Variants in LINGO3 observed in about 807,000 individuals in gnomAD.
The protein encoded by LINGO3 is leucine-rich repeat and immunoglobulin-like domain-containing nogo receptor-interacting protein 3.
For synonymous variants in LINGO3, 427 were observed against 444.2 expected (o/e 0.96, Z 0.49); for missense variants, 750 against 867.7 (o/e 0.86, Z 1.70).
At chr19:2,307,086 GTCCCTGAAGGC>G in the LINGO3 span, among the ~76,000 whole-genome samples, 23 of 152,052 alleles carry the variant, frequency 1.5e-4, no homozygotes, top group African/African-American at 5.6e-4. Context: ...CAGCTCTGTT[GTCCCTGAAGGC>G]TCCCCCCAGC....
exon 1 of LINGO3, chr19:2,291,290 C>T: frequency 6.2e-7 from 1 of 1,612,670 alleles, no homozygotes; most frequent in Admixed American, 1.7e-5. Context: ...GAGACGAATA[C>T]CAGGTCGTTG....
chr19:2,294,898 G>C (rs998614242), upstream of LINGO3, among the ~76,000 whole-genome samples: 7 of 152,040 alleles, frequency 4.6e-5, no homozygotes, highest in Non-Finnish European at 8.8e-5. The surrounding 1 kb of genome is among the most constrained non-coding windows in gnomAD (Gnocchi z 4.3). Context: ...CGCCTCCCCC[G>C]CCAGCCGGCC....
chr19:2,289,181 C>T (rs1273450551), downstream of LINGO3, among the ~76,000 whole-genome samples: 7 of 146,050 alleles, frequency 4.8e-5, no homozygotes, highest in East Asian at 2.0e-4. Context: ...CTCTGTGTTC[C>T]GGGTGTGAGC....
chr19:2,292,399 CAAA>C (rs1156254881), upstream of LINGO3, among the ~76,000 whole-genome samples: 9,447 of 42,410 alleles, frequency 0.22, 481 homozygotes, highest in East Asian at 0.37. Flanking sequence ...AACCCTGTCT[CAAA>C]AAAAAAAAAA....
At chr19:2,303,130 C>T in the LINGO3 span, among the ~76,000 whole-genome samples, 1 of 152,152 alleles carries the variant, frequency 6.6e-6, no homozygotes, top group African/African-American at 2.4e-5. Flanking sequence ...AGCAGTCACT[C>T]CCAGCCCCTC....
chr19:2,299,549 G>C, the LINGO3 span, among the ~76,000 whole-genome samples: 2 of 142,586 alleles, frequency 1.4e-5, no homozygotes, highest in African/African-American at 2.6e-5. Flanking sequence ...TCAGCCTGCC[G>C]AGTAGCTGGG....
chr19:2,289,713 G>C (rs935988696), downstream of LINGO3: 1 of 353,114 alleles, frequency 2.8e-6, no homozygotes, highest in Non-Finnish European at 5.2e-6. Flanking sequence ...TGGTAGACGG[G>C]AGCCCATCCC....
chr19:2,295,823 T>G (rs2025567082), upstream of LINGO3, among the ~76,000 whole-genome samples: 1 of 152,066 alleles, frequency 6.6e-6, no homozygotes, highest in South Asian at 2.1e-4. Context: ...ATGCCAAAAC[T>G]GGGCATTCAC....
Position 2,290,397 on chromosome 19 carries a change from G to A in LINGO3, c.1380C>T (p.Leu460=). The change falls in exon 1 of 1, where the codon CTC becomes CTT. Residue 460 remains leucine (L), a synonymous_variant. Transcript: ENST00000585527. The surrounding 1 kb of genome is among the most constrained non-coding windows in gnomAD (Gnocchi z 6.0). Reference sequence around the variant, plus strand: ...CCTGGATCTCCAGCGTCCCCCCGGGGAGCACGCGCGCCCGGCCCGCGCTGG... The same window carrying A: ...CCTGGATCTCCAGCGTCCCCCCGGGAAGCACGCGCGCCCGGCCCGCGCTGG... 6.9e-7 allele frequency: 1 copy of A among 1,447,494 alleles called. No individual in the cohort carries two copies. The highest frequency in any genetic ancestry group is 9.0e-7 in the Non-Finnish European group (1 of 1,107,754). The allele number at this position is 1,447,494 out of a possible 1,614,324, so 89.7% of individuals were successfully genotyped here. A position where few individuals can be genotyped will look rare whatever the true frequency, so the allele number is the denominator to read the frequency against.
upstream of LINGO3, among the ~76,000 whole-genome samples, chr19:2,295,514 CA>C (rs1168270181): frequency 2.0e-5 from 3 of 152,254 alleles, no homozygotes; most frequent in East Asian, 5.8e-4. Flanking sequence ...GCGGGTGGAT[CA>C]CTTGAGGTCA....
the LINGO3 span, among the ~76,000 whole-genome samples, chr19:2,303,169 C>T: frequency 6.6e-6 from 1 of 152,258 alleles, no homozygotes; most frequent in African/African-American, 2.4e-5. Flanking sequence ...CCATCTGCTT[C>T]CTGTCTCTGC....
At position 2,290,583 on chromosome 19, in the gene LINGO3, C is replaced by T; in HGVS notation, c.1194G>A (p.Leu398=). 1 of 1,575,938 alleles carries T rather than the reference C, an allele frequency of 6.3e-7. No individual in the cohort carries two copies. Among genetic ancestry groups the T allele is most frequent in the Non-Finnish European group, 8.6e-7 (1 of 1,167,408 alleles). Residue 398 remains leucine, a synonymous_variant, in exon 1 of 1, where the codon CTG becomes CTA. Coordinates refer to ENST00000585527, the Ensembl canonical transcript of LINGO3. The surrounding 1 kb of genome is among the most constrained non-coding windows in gnomAD (Gnocchi z 6.0). ...GTTTGCGGCACACGAAGTACTCGAA[C>T]AGCACGGAGTCCGGCAGGTTTCGCA... is the stretch of plus-strand genomic sequence containing the variant.
chr19:2,302,650 C>T, the LINGO3 span, among the ~76,000 whole-genome samples: 1 of 152,218 alleles, frequency 6.6e-6, no homozygotes, highest in African/African-American at 2.4e-5. Context: ...GTGAGCTCTG[C>T]TGCCCGGTCT....
the LINGO3 span, among the ~76,000 whole-genome samples, chr19:2,306,088 G>A: frequency 6.6e-6 from 1 of 152,252 alleles, no homozygotes; most frequent in South Asian, 2.1e-4. Context: ...CAGGGCCTCT[G>A]GATCTGGAAC....
downstream of LINGO3, among the ~76,000 whole-genome samples, chr19:2,288,267 C>A (rs921637686): frequency 6.6e-6 from 1 of 152,208 alleles, no homozygotes; most frequent in Non-Finnish European, 1.5e-5. This position sits in a 1 kb window ranked among gnomAD's most constrained non-coding sequence, Gnocchi z 6.5. Flanking sequence ...CCCGAGGACC[C>A]GGGTCCAGGC....
chr19:2,301,201 C>T, the LINGO3 span, among the ~76,000 whole-genome samples: 2 of 151,954 alleles, frequency 1.3e-5, no homozygotes, highest in Admixed American at 6.5e-5. Context: ...TGGTTTACAC[C>T]GTCTGCCGGG....
the LINGO3 span, among the ~76,000 whole-genome samples, chr19:2,307,857 G>T: frequency 6.6e-6 from 1 of 152,182 alleles, no homozygotes; most frequent in African/African-American, 2.4e-5. Context: ...GGAGGGGCGG[G>T]GGGCCCCAGG....
chr19:2,295,827 C>T (rs1163135921), upstream of LINGO3, among the ~76,000 whole-genome samples: 1 of 152,152 alleles, frequency 6.6e-6, no homozygotes, highest in Admixed American at 6.5e-5. Flanking sequence ...CAAAACTGGG[C>T]ATTCACATGC....
upstream of LINGO3, among the ~76,000 whole-genome samples, chr19:2,294,885 G>T (rs2145091212): frequency 6.6e-6 from 1 of 152,248 alleles, no homozygotes; most frequent in South Asian, 2.1e-4. The surrounding 1 kb of genome is among the most constrained non-coding windows in gnomAD (Gnocchi z 4.3). Flanking sequence ...TCTTCTGCTT[G>T]GCCGCCTCCC....
Sources: gnomAD v4.1 joint callset for allele counts (sites outside exome capture counted in the v4.1 genomes callset) on GRCh38, gnomAD v4.1.1 for gene constraint, Gnocchi (gnomAD v3.1) non-coding constraint, MANE v1.5 for transcripts, NCBI Gene and HGNC (gene_info 2026-07-23, HGNC 2026-07-21) for gene names.